The following ABCB11 variants were observed in gnomAD, a reference collection of about 807,000 sequenced individuals.
ABCB11 encodes bile salt export pump.
A neutral mutation model predicts 148.0 loss-of-function variants in ABCB11; 95 were observed. That is an observed-to-expected ratio of 0.64 (90% CI 0.54 to 0.76). ABCB11 has a LOEUF of 0.76. ABCB11 is among the 30% of genes least tolerant of loss of function. ABCB11 has a pLI of 0.00. For synonymous variants in ABCB11, 591 were observed against 555.4 expected (o/e 1.06, Z -0.90); for missense variants, 1,523 against 1,617.8 (o/e 0.94, Z 1.01).
At chr2:168,985,186 A>T (rs1694272179) in intron 10 of ABCB11, among the ~76,000 whole-genome samples, 1 of 152,222 alleles carries the variant, frequency 6.6e-6, no homozygotes, top group Non-Finnish European at 1.5e-5. Context: ...ACAAATCAAA[A>T]CCACAATGTG....
intron 22 of ABCB11, 45 bp from the exon 23 acceptor site, chr2:168,935,470 C>A (rs772787685): frequency 1.3e-6 from 2 of 1,574,178 alleles, no homozygotes; most frequent in Non-Finnish European, 1.7e-6. Flanking sequence ...GCAGAAATAA[C>A]TCCTTTCGTG....
intron 12 of ABCB11, among the ~76,000 whole-genome samples, chr2:168,975,022 T>C (rs192190144): frequency 6.9e-6 from 1 of 145,590 alleles, no homozygotes; most frequent in East Asian, 2.0e-4. Flanking sequence ...TATATTTACC[T>C]ACATACTGAT....
rs766042995 is a variant in ABCB11, at chr2:168,993,899, T to G, written c.612-17A>C. The G allele has an allele frequency of 1.2e-5, 19 of 1,592,804 alleles. No homozygotes were observed. The South Asian group carries it at 2.2e-4, about 18-fold the overall frequency. On this transcript the variant is annotated splice_polypyrimidine_tract_variant and intron_variant, in intron 7 of 27. Coordinates refer to ENST00000650372, the MANE Select transcript of ABCB11 (RefSeq NM_003742.4). ...TTAATATCACTAGAAACCAGAAAGA[T>G]TTTGGTCACTAAAACTGAATTTGAT...
At chr2:168,985,967 A>G (rs1225183182) in intron 10 of ABCB11, 143 bp downstream of exon 10, 26 of 697,342 alleles carry the variant, frequency 3.7e-5, no homozygotes, top group Non-Finnish European at 1.7e-5. Context: ...TTAAGGTATT[A>G]CTTGTTTCCA....
chr2:168,930,911 A>G, intron 24 of ABCB11, 49 bp from the exon 25 acceptor site: 31 of 1,489,872 alleles, frequency 2.1e-5, no homozygotes, highest in Non-Finnish European at 2.7e-5. Context: ...GAAGCCTAGA[A>G]TATTGAAAAC....
intron 18 of ABCB11, among the ~76,000 whole-genome samples, chr2:168,963,116 T>A (rs1226458469): frequency 1.3e-5 from 2 of 151,928 alleles, no homozygotes; most frequent in South Asian, 2.1e-4. Context: ...TTTAAGACAA[T>A]TTGAAATTAT....
rs374465656 is a variant in ABCB11 at position 168,936,287 on chromosome 2, G to T, written c.2757C>A (p.Thr919=). The T allele has an allele frequency of 2.5e-5, 40 of 1,613,888 alleles. No individual in the cohort carries two copies. The African/African-American group carries it at 4.8e-4, about 19-fold the overall frequency. The change falls in exon 22 of 28, where the codon ACC becomes ACA. Residue 919 remains threonine, a synonymous_variant. Coordinates refer to ENST00000650372, the MANE Select transcript of ABCB11 (RefSeq NM_003742.4). ...GAGAGGCAAATCCTGTCAACATCCT[G>T]GTCTGTGTGGCTCCTGATAAAGCCA... ...PFLALSGATQ[T]RMLTGFASRD...
intron 8 of ABCB11, among the ~76,000 whole-genome samples, chr2:168,991,638 C>A (rs2106006393): frequency 6.6e-6 from 1 of 151,964 alleles, no homozygotes; most frequent in Non-Finnish European, 1.5e-5. Context: ...ATATATAATA[C>A]CCAGATTAAG....
intron 10 of ABCB11, among the ~76,000 whole-genome samples, chr2:168,982,500 C>T (rs924967522): frequency 6.6e-6 from 1 of 152,048 alleles, no homozygotes; most frequent in Admixed American, 6.6e-5. Flanking sequence ...AAAGAACAAC[C>T]TTCTGCACCA....
chr2:168,986,591 T>A (rs1694335548), intron 9 of ABCB11, among the ~76,000 whole-genome samples: 1 of 151,978 alleles, frequency 6.6e-6, no homozygotes, highest in Admixed American at 6.6e-5. Flanking sequence ...ACAAGAGAGA[T>A]CTAGTATTAT....
Position 168,968,466 on chromosome 2 carries a change from G to C in ABCB11, c.2036C>G (p.Ala679Gly). ...GTAGCTCCCTCTGCTAAAGGTCCTC[G>C]CAAGCATGTCATCTTCAGTTGCATC... Reference protein sequence around the residue: ...IKDATEDDMLARTFSRGSYQD... With the variant: ...IKDATEDDMLGRTFSRGSYQD... The change falls in exon 17 of 28, where the codon GCG (alanine) becomes GGG (glycine). Residue 679 changes from alanine (A) to glycine (G), a missense_variant. Ala to Gly is a moderately conservative substitution (Grantham distance 60). Coordinates refer to ENST00000650372, the MANE Select transcript of ABCB11 (RefSeq NM_003742.4). The C allele has an allele frequency of 1.2e-6, 2 of 1,610,978 alleles. No homozygotes were observed. The highest frequency in any genetic ancestry group is 1.7e-6 in the Non-Finnish European group (2 of 1,178,336).
In ABCB11 at chr2:168,958,135, CAG is replaced by C. The variant is rs1559202371; in HGVS notation, c.2179-9_2179-8del. The C allele has an allele frequency of 1.2e-6, 2 of 1,610,070 alleles. No individual in the cohort carries two copies. Among genetic ancestry groups the C allele is most frequent in the Admixed American group, 1.7e-5 (1 of 59,762 alleles). ...GCACAGGAATGTCCTTGTCCTTGAG[CAG>C]AGAGAGGGTTATATTAATCATCTAA... On this transcript the variant is annotated splice_polypyrimidine_tract_variant and splice_region_variant and intron_variant, in intron 18 of 27. Transcript: ENST00000650372.
intron 27 of ABCB11, 45 bp from the exon 28 acceptor site, chr2:168,923,867 T>TC (rs1691185060): frequency 1.3e-6 from 2 of 1,580,050 alleles, no homozygotes; most frequent in Non-Finnish European, 8.7e-7. Flanking sequence ...GCATGATTGC[T>TC]CCCCAGCCCA....
intron 25 of ABCB11, among the ~76,000 whole-genome samples, chr2:168,929,308 A>G (rs945902307): frequency 2.6e-5 from 4 of 152,196 alleles, no homozygotes; most frequent in Non-Finnish European, 5.9e-5. Flanking sequence ...ATGACTGTTC[A>G]ACAGGCAAAC....
At chr2:168,982,299 T>A (rs1321180871) in intron 10 of ABCB11, among the ~76,000 whole-genome samples, 2 of 152,180 alleles carry the variant, frequency 1.3e-5, no homozygotes, top group African/African-American at 4.8e-5. Flanking sequence ...CTTGACTTCA[T>A]GGCTTCAATT....
At chr2:169,004,601 T>G (rs1336183959) in intron 5 of ABCB11, among the ~76,000 whole-genome samples, 1 of 152,228 alleles carries the variant, frequency 6.6e-6, no homozygotes, top group South Asian at 2.1e-4. Flanking sequence ...TTTCCTTCAG[T>G]TGGACTTAAC....
chr2:168,986,626 A>G (rs908576815), intron 9 of ABCB11, among the ~76,000 whole-genome samples: 12 of 152,140 alleles, frequency 7.9e-5, no homozygotes, highest in Non-Finnish European at 1.8e-4. Flanking sequence ...CTTGAGTCAC[A>G]TGACATGTCC....
intron 24 of ABCB11, among the ~76,000 whole-genome samples, chr2:168,931,602 T>A (rs1206584424): frequency 6.6e-6 from 1 of 152,208 alleles, no homozygotes; most frequent in Non-Finnish European, 1.5e-5. Context: ...AAAACTTGAA[T>A]CAAGATGAAC....
At chr2:168,935,557 A>G in intron 22 of ABCB11, 132 bp from the exon 23 acceptor site, 1 of 1,245,270 alleles carries the variant, frequency 8.0e-7, no homozygotes, top group Admixed American at 2.3e-5. Context: ...TCATCTGGGA[A>G]TACAAAGACG....
Sources: allele counts gnomAD v4.1 joint callset (sites outside exome capture counted in the v4.1 genomes callset), GRCh38; gene constraint gnomAD v4.1.1; transcripts MANE v1.5; gene names NCBI Gene and HGNC (gene_info 2026-07-23, HGNC 2026-07-21).